The following DSCAML1 variants were observed in gnomAD, a reference collection of about 807,000 sequenced individuals.
DSCAML1 encodes cell adhesion molecule DSCAML1.
DSCAML1 carries 38 observed loss-of-function variants against 200.5 expected under a neutral mutation model. The ratio of observed to expected loss-of-function variants is 0.19; its 90% CI spans 0.15 to 0.25. The LOEUF (loss-of-function observed/expected upper bound fraction) is 0.25. Ranked by LOEUF, DSCAML1 falls within the 10% of genes least tolerant of loss-of-function variation. The probability of loss-of-function intolerance (pLI) is 1.00; values close to 1 mark genes in which losing one functional copy is unlikely to be tolerated. For synonymous variants in DSCAML1, 1,215 were observed against 1,165.0 expected, an observed-to-expected ratio of 1.04 and a Z score of -0.87; for missense variants, 2,223 against 2,858.8, an observed-to-expected ratio of 0.78 and a Z score of 5.07.
intron 3 of DSCAML1, among the ~76,000 whole-genome samples, chr11:117,638,180 T>C (rs551509228): frequency 6.6e-6 from 1 of 152,284 alleles, no homozygotes; most frequent in East Asian, 1.9e-4. Context: ...AGATTTGGGT[T>C]CCACAGAGTG....
At chr11:117,491,459 T>C (rs1414330067) in intron 11 of DSCAML1, among the ~76,000 whole-genome samples, 2 of 152,216 alleles carry the variant, frequency 1.3e-5, no homozygotes, top group Non-Finnish European at 2.9e-5. Context: ...CGTGGTCTCA[T>C]CCATGACGTA....
intron 11 of DSCAML1, among the ~76,000 whole-genome samples, chr11:117,486,321 T>C (rs891257532): frequency 2.6e-5 from 4 of 151,056 alleles, no homozygotes; most frequent in Admixed American, 6.6e-5. Flanking sequence ...GATGTGAAAG[T>C]AGCGGATGTG....
At chr11:117,659,792 C>A (rs1694899787) in intron 3 of DSCAML1, among the ~76,000 whole-genome samples, 1 of 152,040 alleles carries the variant, frequency 6.6e-6, no homozygotes. Flanking sequence ...AGTCTCAGCT[C>A]ACTGCAACCT....
At chr11:117,675,715 G>T (rs747294510) in intron 3 of DSCAML1, among the ~76,000 whole-genome samples, 63 of 152,090 alleles carry the variant, frequency 4.1e-4, no homozygotes, top group Admixed American at 2.9e-3. Flanking sequence ...CCCAGCAAAG[G>T]CCAAAACTGG....
At chr11:117,436,982 T>G in intron 26 of DSCAML1, 140 bp downstream of exon 26, 1 of 1,242,534 alleles carries the variant, frequency 8.0e-7, no homozygotes, top group South Asian at 1.5e-5. Flanking sequence ...CCCCTTCACC[T>G]GCAGGCCAGC....
Position 117,780,231 on chromosome 11 carries a change from G to GGAAGGAAAGAAA in DSCAML1, c.364+261_364+262insTTTCTTTCCTTC, listed in dbSNP as rs2055213923. Among the ~76,000 whole-genome samples, 2 of 60,648 alleles carry GGAAGGAAAGAAA rather than the reference G, an allele frequency of 3.3e-5. No individual in the cohort carries two copies. The highest frequency in any genetic ancestry group is 3.3e-5 in the Non-Finnish European group (1 of 29,888). 39.8% of individuals were successfully genotyped at this position (60,648 alleles called of 152,430 possible). On this transcript the variant is annotated intron_variant, in intron 2 of 32. Coordinates refer to ENST00000651296, the MANE Select transcript of DSCAML1 (RefSeq NM_020693.4). The surrounding 1 kb of genome is among the most constrained non-coding windows in gnomAD (Gnocchi z 4.8). ...AAAGAGAGAGAGAGAAAGAAAGAAA[G>GGAAGGAAAGAAA]GAAAGAAAGAAAGAAAGAAAGAAAG...
intron 11 of DSCAML1, among the ~76,000 whole-genome samples, chr11:117,483,052 G>GC (rs1202259487): frequency 1.3e-5 from 2 of 152,210 alleles, no homozygotes; most frequent in Non-Finnish European, 2.9e-5. Flanking sequence ...GTCATCGGAA[G>GC]CCCCCGTCCC....
chr11:117,594,293 C>T (rs768890565), intron 3 of DSCAML1, among the ~76,000 whole-genome samples: 27 of 152,186 alleles, frequency 1.8e-4, no homozygotes, highest in Admixed American at 3.3e-4. Flanking sequence ...ACCTGTGGGT[C>T]TATCCTAGGC....
At chr11:117,583,512 GC>G (rs1244943789) in intron 3 of DSCAML1, among the ~76,000 whole-genome samples, 1 of 152,176 alleles carries the variant, frequency 6.6e-6, no homozygotes, top group Non-Finnish European at 1.5e-5. Flanking sequence ...CCTTGGGGAT[GC>G]CTTCCCTGAT....
chr11:117,488,100 G>T (rs1422929570), intron 11 of DSCAML1, among the ~76,000 whole-genome samples: 1 of 152,170 alleles, frequency 6.6e-6, no homozygotes, highest in African/African-American at 2.4e-5. Context: ...TCCTCAGTAA[G>T]AGGCAGGGAA....
intron 3 of DSCAML1, among the ~76,000 whole-genome samples, chr11:117,690,489 G>A (rs1222898924): frequency 6.6e-6 from 1 of 152,270 alleles, no homozygotes; most frequent in Non-Finnish European, 1.5e-5. Context: ...AGTGGCCACT[G>A]TGATTTCCTT....
At chr11:117,460,781 C>T (rs1484831675) in intron 18 of DSCAML1, among the ~76,000 whole-genome samples, 1 of 152,166 alleles carries the variant, frequency 6.6e-6, no homozygotes, top group Admixed American at 6.5e-5. Context: ...GCGCACCTCT[C>T]TGCCCTTCTC....
chr11:117,814,156 C>G (rs1375233998), intron 1 of DSCAML1, among the ~76,000 whole-genome samples: 1 of 151,136 alleles, frequency 6.6e-6, no homozygotes, highest in Non-Finnish European at 1.5e-5. Context: ...CAGAGAACAA[C>G]CCCCTTTGAC....
intron 3 of DSCAML1, among the ~76,000 whole-genome samples, chr11:117,730,112 T>C (rs1288308286): frequency 6.6e-6 from 1 of 151,862 alleles, no homozygotes; most frequent in Non-Finnish European, 1.5e-5. Flanking sequence ...GGCAGGAGAA[T>C]CGTTTGAACC....
At chr11:117,511,994 C>G (rs1478691879) in intron 8 of DSCAML1, among the ~76,000 whole-genome samples, 1 of 152,236 alleles carries the variant, frequency 6.6e-6, no homozygotes, top group South Asian at 2.1e-4. Flanking sequence ...TAGAAAAATT[C>G]GTTAGAAGAC....
chr11:117,496,882 T>C lies in DSCAML1; in HGVS notation c.2359+6963A>G, dbSNP rs148876799. ...GGAGATTGTTCCACATGGAGACTGT[T>C]CTATTCGACCTTGAAACTTTTGTAC... On this transcript the variant is annotated intron_variant, in intron 11 of 32. Transcript: ENST00000651296. Among the ~76,000 whole-genome samples, 3 of 152,332 alleles carry C rather than the reference T, an allele frequency of 2.0e-5. No homozygotes were observed. In the East Asian group the frequency reaches 5.8e-4, roughly 29 times the overall value.
At chr11:117,796,325 A>C (rs1203939993) in intron 1 of DSCAML1, among the ~76,000 whole-genome samples, 1 of 152,214 alleles carries the variant, frequency 6.6e-6, no homozygotes, top group Non-Finnish European at 1.5e-5. Context: ...GAAGCGGAGA[A>C]TCTCGCATCT....
At chr11:117,758,559 G>A (rs972460366) in intron 3 of DSCAML1, among the ~76,000 whole-genome samples, 29 of 151,808 alleles carry the variant, frequency 1.9e-4, no homozygotes, top group Non-Finnish European at 2.9e-4. Context: ...CTACCACCAC[G>A]TCCGGGTAAT....
At chr11:117,532,331 C>T (rs201745446) in intron 4 of DSCAML1, 45 bp downstream of exon 4, 182 of 1,584,780 alleles carry the variant, frequency 1.1e-4, no homozygotes, top group Admixed American at 4.0e-4. Flanking sequence ...GCCTGGTGTC[C>T]TCCCTTCCCA....
Sources: gnomAD v4.1 joint callset for allele counts (sites outside exome capture counted in the v4.1 genomes callset) on GRCh38, gnomAD v4.1.1 for gene constraint, Gnocchi (gnomAD v3.1) non-coding constraint, MANE v1.5 for transcripts, NCBI Gene and HGNC (gene_info 2026-07-23, HGNC 2026-07-21) for gene names.